TRMU: variants seen among roughly 807,000 people sequenced by gnomAD.
TRMU encodes mitochondrial tRNA-specific 2-thiouridylase 1.
A neutral mutation model predicts 46.9 loss-of-function variants in TRMU; 49 were observed. That is an observed-to-expected ratio of 1.05 (90% CI 0.83 to 1.33). The LOEUF (loss-of-function observed/expected upper bound fraction) is 1.33, where lower values mean the gene tolerates loss of function less well. Ranked by LOEUF, TRMU falls within the 40% of genes most tolerant of loss-of-function variation. The pLI is 0.00. For synonymous variants in TRMU, 241 were observed against 200.9 expected, an observed-to-expected ratio of 1.20 and a Z score of -1.69; for missense variants, 572 against 532.4, an observed-to-expected ratio of 1.07 and a Z score of -0.73.
At position 46,349,137 on chromosome 22, in the gene TRMU, C is replaced by CAA. The variant is rs537257675; in HGVS notation, c.479-1139_479-1138dup. 1.4e-4 allele frequency among the ~76,000 whole-genome samples: 16 copies of CAA among 117,084 alleles called. No individual in the cohort carries two copies. Among genetic ancestry groups the CAA allele is most frequent in the Admixed American group, 1.8e-4 (2 of 11,242 alleles). The allele number at this position is 117,084 out of a possible 152,430, so 76.8% of individuals were successfully genotyped here. On this transcript the variant is annotated intron_variant, in intron 4 of 10. Coordinates refer to ENST00000645190, the MANE Select transcript of TRMU (RefSeq NM_018006.5). The surrounding 1 kb of genome is among the most constrained non-coding windows in gnomAD (Gnocchi z 4.6). Reference sequence around the variant, plus strand: ...TGGGCGACAGAGCGAGACTCCATCTCAAAAAAAAAAAAAAAAGTGGACTCT... The same window carrying CAA: ...TGGGCGACAGAGCGAGACTCCATCTCAAAAAAAAAAAAAAAAAAGTGGACTCT...
rs948009456 is a variant in TRMU, at chr22:46,351,880, G to T, written c.652-241G>T. On this transcript the variant is annotated intron_variant, in intron 5 of 10. Coordinates refer to ENST00000645190, the MANE Select transcript of TRMU (RefSeq NM_018006.5). This position sits in a 1 kb window ranked among gnomAD's most constrained non-coding sequence, Gnocchi z 6.4. ...TTCTTCCCCGGGGCAGCTGGTGTGAGGGTCTCCCGCGCAGGGTCAGACCCC... is the reference window on the plus strand; with the variant it reads ...TTCTTCCCCGGGGCAGCTGGTGTGATGGTCTCCCGCGCAGGGTCAGACCCC... 17 of 611,680 alleles carry T rather than the reference G, an allele frequency of 2.8e-5. No homozygotes were observed. The highest frequency in any genetic ancestry group is 4.7e-5 in the Non-Finnish European group (16 of 341,610). 37.9% of individuals were successfully genotyped at this position (611,680 alleles called of 1,614,324 possible). A position where few individuals can be genotyped will look rare whatever the true frequency, so the allele number is the denominator to read the frequency against.
intron 6 of TRMU, 33 bp from the exon 7 acceptor site, chr22:46,352,231 A>G (rs2147095460): frequency 6.2e-7 from 1 of 1,614,018 alleles, no homozygotes; most frequent in Non-Finnish European, 8.5e-7. Flanking sequence ...CTGGGCCTAG[A>G]TCTCCGTCGG....
In TRMU at chr22:46,339,236, G is replaced by A. The variant is rs1017561022; in HGVS notation, c.248+1292G>A. On this transcript the variant is annotated intron_variant, in intron 2 of 10. Coordinates refer to ENST00000645190, the MANE Select transcript of TRMU (RefSeq NM_018006.5). The surrounding 1 kb of genome is among the most constrained non-coding windows in gnomAD (Gnocchi z 4.8). ...GCAATCTTGGCTCACTGCAACATCT[G>A]CCTCCCAGGTTCAAGCGATTCTCAT... 6.6e-6 allele frequency among the ~76,000 whole-genome samples: 1 copy of A among 152,220 alleles called. No individual in the cohort carries two copies. The highest frequency in any genetic ancestry group is 2.1e-4 in the South Asian group (1 of 4,832).
intron 10 of TRMU, 77 bp from the exon 11 acceptor site, chr22:46,356,765 T>C (rs1487243778): frequency 1.3e-6 from 2 of 1,560,010 alleles, no homozygotes; most frequent in African/African-American, 1.4e-5. Flanking sequence ...CCAGGCCCCA[T>C]AGGGGAGCAC....
Position 46,336,121 on chromosome 22 carries a change from G to C in TRMU, c.82+275G>C. ...GCCCACCCACAGTGAGAAGCCGGCG[G>C]GCCGGGGTGGGGTGGGGAGGGAAGG... On this transcript the variant is annotated intron_variant, in intron 1 of 10. Coordinates refer to ENST00000645190, the MANE Select transcript of TRMU (RefSeq NM_018006.5). This position sits in a 1 kb window ranked among gnomAD's most constrained non-coding sequence, Gnocchi z 4.1. The C allele has an allele frequency of 3.0e-6, 4 of 1,352,762 alleles. No homozygotes were observed. The highest frequency in any genetic ancestry group is 3.8e-6 in the Non-Finnish European group (4 of 1,053,946). 83.8% of individuals were successfully genotyped at this position (1,352,762 alleles called of 1,614,324 possible). A position where few individuals can be genotyped will look rare whatever the true frequency, so the allele number is the denominator to read the frequency against.
Position 46,344,920 on chromosome 22 carries a change from A to G in TRMU, c.356-1502A>G, listed in dbSNP as rs890106716. On this transcript the variant is annotated intron_variant, in intron 3 of 10. Coordinates refer to ENST00000645190, the MANE Select transcript of TRMU (RefSeq NM_018006.5). ...TTCAGGTCGTTAATATGCAGCAGCT[A>G]ATTCTTGCTGTGTCTTCTGTTTACA... Among the ~76,000 whole-genome samples the G allele has an allele frequency of 5.9e-5, 9 of 152,270 alleles. No homozygotes were observed. The South Asian group carries it at 8.3e-4, about 14-fold the overall frequency.
rs2078405752 is a variant in TRMU at position 46,351,017 on chromosome 22, T to C, written c.651+554T>C. Among the ~76,000 whole-genome samples, 1 of 152,142 alleles carries C rather than the reference T, an allele frequency of 6.6e-6. No homozygotes were observed. Among genetic ancestry groups the C allele is most frequent in the Admixed American group, 6.5e-5 (1 of 15,280 alleles). ...CCAATCAGTGTAAACCTAGAAAATG[T>C]CTACGGAGGGAGGTGTAGGACCCTG... On this transcript the variant is annotated intron_variant, in intron 5 of 10. Transcript: ENST00000645190. This position sits in a 1 kb window ranked among gnomAD's most constrained non-coding sequence, Gnocchi z 6.4.
At position 46,355,382 on chromosome 22, in the gene TRMU, C is replaced by T. The variant is rs569699109; in HGVS notation, c.874-62C>T. 3 of 1,593,420 alleles carry T rather than the reference C, an allele frequency of 1.9e-6. No homozygotes were observed. In the East Asian group the frequency reaches 6.9e-5, roughly 37 times the overall value. ...AGGACAGTTGTTCCCAGGGACCACA[C>T]TGAGGCCGGCCTTGGGGCCAGGTGC... On this transcript the variant is annotated intron_variant, in intron 8 of 10. Transcript: ENST00000645190.
chr22:46,337,891 C>A lies in TRMU; in HGVS notation c.195C>A (p.Asp65Glu). 6.2e-7 allele frequency: 1 copy of A among 1,614,234 alleles called. No individual in the cohort carries two copies. The highest frequency in any genetic ancestry group is 8.5e-7 in the Non-Finnish European group (1 of 1,180,038). The change falls in exon 2 of 11, where the codon GAC becomes GAA. Residue 65 changes from aspartate (D) to glutamate (E), a missense_variant. Physicochemically the swap from Asp to Glu is conservative, Grantham distance 45. Transcript: ENST00000645190. ...CTTACAGAGTTTGCCAGATCTTAGA[C>A]ATCCCTTTCCATCAAGTGTCCTACG... The part of the protein sequence containing the change: ...EDAYRVCQIL[D>E]IPFHQVSYVK...
In TRMU at chr22:46,353,802, A is replaced by G; in HGVS notation, c.808A>G (p.Ile270Val). The stretch of plus-strand genomic sequence containing the variant: ...GTATACCTTGGGCCAGAGAGCAAAC[A>G]TAGGTGGCCTGAGAGAGCCCTGGTA... The part of the protein sequence containing the change: ...FLYTLGQRAN[I>V]GGLREPWYVV... The change falls in exon 8 of 11, where the codon ATA becomes GTA. Residue 270 changes from isoleucine (I) to valine (V), a missense_variant. Ile to Val is a conservative substitution (Grantham distance 29). Coordinates refer to ENST00000645190, the MANE Select transcript of TRMU (RefSeq NM_018006.5). 3.7e-6 allele frequency: 6 copies of G among 1,614,000 alleles called. No individual in the cohort carries two copies. The highest frequency in any genetic ancestry group is 5.1e-6 in the Non-Finnish European group (6 of 1,179,878).
rs2078320900 is a variant in TRMU, at chr22:46,348,577, C to T, written c.479-1714C>T. 6.6e-6 allele frequency among the ~76,000 whole-genome samples: 1 copy of T among 152,212 alleles called. No homozygotes were observed. Among genetic ancestry groups the T allele is most frequent in the Non-Finnish European group, 1.5e-5 (1 of 68,032 alleles). ...TGATTTTCCCCCACACAGCGTGCTA[C>T]CACCGGCCTGGCAGAGCCAGCACGG... On this transcript the variant is annotated intron_variant, in intron 4 of 10. Coordinates refer to ENST00000645190, the MANE Select transcript of TRMU (RefSeq NM_018006.5). This position sits in a 1 kb window ranked among gnomAD's most constrained non-coding sequence, Gnocchi z 4.8.
rs1398762234 is a variant in TRMU, at chr22:46,335,751, T to A, written c.-14T>A. Reference sequence around the variant, plus strand: ...CGGCGGTAGCTGCAGCTGGCGAAGTTGGGCGACTGGCGGATGCAGGCCTTG... The same window carrying A: ...CGGCGGTAGCTGCAGCTGGCGAAGTAGGGCGACTGGCGGATGCAGGCCTTG... On this transcript the variant is annotated 5_prime_UTR_variant, in exon 1 of 11. Coordinates refer to ENST00000645190, the MANE Select transcript of TRMU (RefSeq NM_018006.5). 6.5e-7 allele frequency: 1 copy of A among 1,549,164 alleles called. No individual in the cohort carries two copies. Among genetic ancestry groups the A allele is most frequent in the Non-Finnish European group, 8.7e-7 (1 of 1,150,726 alleles).
rs748270081 is a variant in TRMU at position 46,348,996 on chromosome 22, G to T, written c.479-1295G>T. 6.6e-6 allele frequency among the ~76,000 whole-genome samples: 1 copy of T among 152,058 alleles called. No homozygotes were observed. Among genetic ancestry groups the T allele is most frequent in the Non-Finnish European group, 1.5e-5 (1 of 68,006 alleles). ...ACAAATACAAAAAAAAAAGTTAGCC[G>T]AGTATGGTGGCACATGCCTGTAGTC... On this transcript the variant is annotated intron_variant, in intron 4 of 10. Transcript: ENST00000645190. The surrounding 1 kb of genome is among the most constrained non-coding windows in gnomAD (Gnocchi z 4.8).
Position 46,338,038 on chromosome 22 carries a change from G to A in TRMU, c.248+94G>A. The A allele has an allele frequency of 6.5e-7, 1 of 1,535,334 alleles. No individual in the cohort carries two copies. The highest frequency in any genetic ancestry group is 9.0e-7 in the Non-Finnish European group (1 of 1,112,692). On this transcript the variant is annotated intron_variant, in intron 2 of 10. Coordinates refer to ENST00000645190, the MANE Select transcript of TRMU (RefSeq NM_018006.5). The surrounding 1 kb of genome is among the most constrained non-coding windows in gnomAD (Gnocchi z 4.5). ...AACCAGCCAGACCGACGCCTGTGCT[G>A]CAGCCCAGCGCTCTCCCTCCACGGT...
Position 46,356,071 on chromosome 22 carries a change from A to G in TRMU, c.1100A>G (p.Gln367Arg). 1 of 1,613,886 alleles carries G rather than the reference A, an allele frequency of 6.2e-7. No individual in the cohort carries two copies. The highest frequency in any genetic ancestry group is 8.5e-7 in the Non-Finnish European group (1 of 1,179,946). Residue 367 changes from glutamine (Q) to arginine (R), a missense_variant and splice_region_variant, in exon 10 of 11, where the codon CAG (glutamine) becomes CGG (arginine). Transcript: ENST00000645190. ...GCTGTGCGTGCCCTTGCCACAGGAC[A>G]GGTGCGTGGGGTGTGGGGGTGAGCC... ...VQAVRALATG[Q>R]FAVFYKGDEC...
At position 46,351,564 on chromosome 22, in the gene TRMU, GTC is replaced by G. The variant is rs2078426080; in HGVS notation, c.652-556_652-555del. The G allele has an allele frequency of 5.2e-6, 1 of 191,010 alleles. No individual in the cohort carries two copies. The highest frequency in any genetic ancestry group is 1.1e-5 in the Non-Finnish European group (1 of 90,552). 11.8% of individuals were successfully genotyped at this position (191,010 alleles called of 1,614,324 possible). On this transcript the variant is annotated intron_variant, in intron 5 of 10. Coordinates refer to ENST00000645190, the MANE Select transcript of TRMU (RefSeq NM_018006.5). This position sits in a 1 kb window ranked among gnomAD's most constrained non-coding sequence, Gnocchi z 6.4. ...TCTCCTCTTGTTTTCCGTTTCCGGTGTCGCTCTGTGGTGGGAGCCGCAGGGAT... is the reference window on the plus strand; with the variant it reads ...TCTCCTCTTGTTTTCCGTTTCCGGTGGCTCTGTGGTGGGAGCCGCAGGGAT...
chr22:46,357,307 G>C lies in TRMU; in HGVS notation c.*301G>C. 2.0e-6 allele frequency: 1 copy of C among 502,710 alleles called. No homozygotes were observed. Among genetic ancestry groups the C allele is most frequent in the Non-Finnish European group, 3.6e-6 (1 of 275,224 alleles). 31.1% of individuals were successfully genotyped at this position (502,710 alleles called of 1,614,324 possible). ...GAGGGGACCTGCAGAGGGGGCTGTC[G>C]GGACAGCGTGGAATAAACATTATTT... On this transcript the variant is annotated 3_prime_UTR_variant, in exon 11 of 11. Transcript: ENST00000645190.
rs1273958469 is a variant in TRMU, at chr22:46,356,077, G to A, written c.1101+5G>A. On this transcript the variant is annotated splice_donor_5th_base_variant and intron_variant, in intron 10 of 10. Coordinates refer to ENST00000645190, the MANE Select transcript of TRMU (RefSeq NM_018006.5). ...CGTGCCCTTGCCACAGGACAGGTGC[G>A]TGGGGTGTGGGGGTGAGCCCGGGGA... 21 of 1,613,852 alleles carry A rather than the reference G, an allele frequency of 1.3e-5. No homozygotes were observed. Among genetic ancestry groups the A allele is most frequent in the Middle Eastern group, 3.3e-4 (2 of 6,058 alleles).
intron 4 of TRMU, among the ~76,000 whole-genome samples, 196 bp downstream of exon 4, chr22:46,346,740 AAC>A (rs1254581091): frequency 6.6e-6 from 1 of 152,206 alleles, no homozygotes; most frequent in Non-Finnish European, 1.5e-5. Context: ...TTGGGTAGTA[AAC>A]AGTGTCCCTG....
Sources: allele counts gnomAD v4.1 joint callset (sites outside exome capture counted in the v4.1 genomes callset), GRCh38; gene constraint gnomAD v4.1.1; non-coding constraint Gnocchi (gnomAD v3.1); transcripts MANE v1.5; gene names NCBI Gene and HGNC (gene_info 2026-07-23, HGNC 2026-07-21).